The following TCF7L2 variants were observed in gnomAD, a reference collection of about 807,000 sequenced individuals.
TCF7L2 encodes the protein transcription factor 7 like 2.
In TCF7L2, 23 loss-of-function variants were observed where a neutral mutation model predicts 77.9. The observed-to-expected ratio is 0.30, with a 90% CI of 0.21 to 0.42. The LOEUF is 0.42. Ranked by LOEUF, TCF7L2 falls within the 10% of genes least tolerant of loss-of-function variation. TCF7L2 has a pLI of 1.00. For missense variants in TCF7L2, 654 were observed against 793.1 expected (o/e 0.82, Z 2.11); for synonymous variants, 413 against 340.2 (o/e 1.21, Z -2.36).
intron 5 of TCF7L2, chr10:113,089,276 A>G (rs2060130445): frequency 1.8e-6 from 2 of 1,110,274 alleles, no homozygotes; most frequent in Non-Finnish European, 2.5e-6. Context: ...TAATCCCTCT[A>G]TCATGGAGCT....
At chr10:113,004,440 C>T (rs1196401080) in intron 4 of TCF7L2, among the ~76,000 whole-genome samples, 1 of 152,174 alleles carries the variant, frequency 6.6e-6, no homozygotes, top group Non-Finnish European at 1.5e-5. Context: ...GACAGTGGAA[C>T]TTTAAGGTCC....
intron 13 of TCF7L2, among the ~76,000 whole-genome samples, chr10:113,161,079 C>G (rs1461106815): frequency 6.6e-6 from 1 of 152,214 alleles, no homozygotes; most frequent in Non-Finnish European, 1.5e-5. Flanking sequence ...TAACACTTGG[C>G]AGCAATTGCA....
intron 5 of TCF7L2, among the ~76,000 whole-genome samples, chr10:113,063,987 G>A (rs1360836960): frequency 1.3e-5 from 2 of 151,942 alleles, no homozygotes; most frequent in East Asian, 3.9e-4. Context: ...CTAAAAGGCA[G>A]TGAGGTTCCT....
chr10:113,000,828 G>C (rs372295293), intron 4 of TCF7L2, among the ~76,000 whole-genome samples: 10 of 152,262 alleles, frequency 6.6e-5, no homozygotes, highest in African/African-American at 1.9e-4. Flanking sequence ...AGTCGGACAG[G>C]CACCTTAATT....
At chr10:112,952,918 G>A (rs1253737353) in intron 3 of TCF7L2, among the ~76,000 whole-genome samples, 1 of 149,006 alleles carries the variant, frequency 6.7e-6, no homozygotes, top group African/African-American at 2.5e-5. Context: ...ATCCCTGGAC[G>A]CAAGACGCAT....
At chr10:113,154,485 C>T (rs931828560) in intron 11 of TCF7L2, among the ~76,000 whole-genome samples, 4 of 152,116 alleles carry the variant, frequency 2.6e-5, no homozygotes, top group African/African-American at 9.7e-5. Flanking sequence ...CTGTGCAGGG[C>T]GTGCACTGCA....
intron 4 of TCF7L2, among the ~76,000 whole-genome samples, chr10:112,992,748 A>G (rs1230255822): frequency 6.7e-6 from 1 of 148,454 alleles, no homozygotes; most frequent in Non-Finnish European, 1.5e-5. Flanking sequence ...ATGCAGTGTT[A>G]CTCTCTTATA....
At chr10:113,013,605 T>C (rs1016566059) in intron 4 of TCF7L2, among the ~76,000 whole-genome samples, 1 of 152,236 alleles carries the variant, frequency 6.6e-6, no homozygotes, top group African/African-American at 2.4e-5. Context: ...TTAAGGAAGA[T>C]AAGCTTTGAT....
chr10:113,156,875 G>A (rs981164308), intron 11 of TCF7L2, among the ~76,000 whole-genome samples: 3 of 152,214 alleles, frequency 2.0e-5, no homozygotes, highest in Admixed American at 1.3e-4. Context: ...TACCTAACTC[G>A]TCAGTTTTCT....
chr10:113,145,145 C>T (rs1426183481), intron 7 of TCF7L2, among the ~76,000 whole-genome samples: 1 of 150,354 alleles, frequency 6.7e-6, no homozygotes, highest in African/African-American at 2.5e-5. Flanking sequence ...AAACAGATTG[C>T]ATTATGTAGT....
At chr10:113,130,127 A>C in intron 5 of TCF7L2, 1 of 689,864 alleles carries the variant, frequency 1.4e-6, no homozygotes, top group Non-Finnish European at 1.9e-6. Context: ...AACAAGAATA[A>C]ATGGTCAACT....
At chr10:113,160,773 T>G in intron 13 of TCF7L2, 1 of 1,294,814 alleles carries the variant, frequency 7.7e-7, no homozygotes, top group South Asian at 1.4e-5. Context: ...TATTTTGACC[T>G]CGTTCCCCAT....
intron 3 of TCF7L2, among the ~76,000 whole-genome samples, chr10:112,961,912 A>T (rs720784): frequency 0.45 from 61,785 of 138,816 alleles, 13,401 homozygotes; most frequent in East Asian, 0.67. Context: ...TGTGTGTGTG[A>T]GAGAGAGAGA....
intron 3 of TCF7L2, among the ~76,000 whole-genome samples, chr10:112,956,667 C>G (rs2033687162): frequency 6.6e-6 from 1 of 152,070 alleles, no homozygotes; most frequent in Non-Finnish European, 1.5e-5. Context: ...ATTTTACAAC[C>G]AAAGGCAAAC....
chr10:112,972,946 C>G (rs572496600), intron 4 of TCF7L2, among the ~76,000 whole-genome samples: 1 of 152,160 alleles, frequency 6.6e-6, no homozygotes, highest in South Asian at 2.1e-4. Flanking sequence ...AGAGATTGTC[C>G]TACATAGGCT....
chr10:113,127,692 C>T (rs1196308274), intron 5 of TCF7L2, among the ~76,000 whole-genome samples: 1 of 151,826 alleles, frequency 6.6e-6, no homozygotes, highest in Non-Finnish European at 1.5e-5. Context: ...TGGTGTACTT[C>T]TGACAAACTG....
At chr10:113,059,294 TA>T (rs2056000312) in intron 5 of TCF7L2, among the ~76,000 whole-genome samples, 1 of 152,058 alleles carries the variant, frequency 6.6e-6, no homozygotes, top group Admixed American at 6.5e-5. Flanking sequence ...CAAAACTCCA[TA>T]AAAACATGCG....
intron 12 of TCF7L2, among the ~76,000 whole-genome samples, chr10:113,159,331 A>T (rs938217096): frequency 4.0e-5 from 6 of 150,438 alleles, no homozygotes; most frequent in Admixed American, 6.6e-5. Flanking sequence ...AAATAGATTT[A>T]AAAAAAAGAC....
At chr10:113,129,567 T>C in intron 5 of TCF7L2, 1 of 1,005,710 alleles carries the variant, frequency 9.9e-7, no homozygotes, top group South Asian at 4.0e-5. Flanking sequence ...TTTTTATTTT[T>C]AAGATTTTTT....
Sources: allele counts gnomAD v4.1 joint callset (sites outside exome capture counted in the v4.1 genomes callset), GRCh38; gene constraint gnomAD v4.1.1; transcripts MANE v1.5; gene names NCBI Gene and HGNC (gene_info 2026-07-23, HGNC 2026-07-21).